Variants in CNBD1 observed in about 807,000 individuals in gnomAD.
CNBD1 encodes the protein cyclic nucleotide-binding domain-containing protein 1.
CNBD1 carries 71 observed loss-of-function variants against 54.4 expected under a neutral mutation model. The ratio of observed to expected loss-of-function variants is 1.30; its 90% CI spans 1.08 to 1.59. The LOEUF is 1.59. Among genes scored for constraint, CNBD1 ranks in the 40% most tolerant of loss-of-function variants. The pLI, the probability that CNBD1 is intolerant of heterozygous loss-of-function variation, is 0.00. For missense variants in CNBD1, 659 were observed against 518.0 expected (o/e 1.27, Z -2.64); for synonymous variants, 182 against 170.7 (o/e 1.07, Z -0.51).
chr8:87,295,984 A>G (rs1808868612), intron 8 of CNBD1, among the ~76,000 whole-genome samples: 1 of 152,158 alleles, frequency 6.6e-6, no homozygotes. Context: ...TTTCGCTATG[A>G]ATATTATTTA....
At chr8:87,346,391 G>A (rs1467052401) in intron 8 of CNBD1, among the ~76,000 whole-genome samples, 2 of 151,658 alleles carry the variant, frequency 1.3e-5, no homozygotes, top group South Asian at 2.1e-4. Flanking sequence ...TTTGATATGT[G>A]TTTAATATTA....
intron 5 of CNBD1, among the ~76,000 whole-genome samples, chr8:87,226,786 G>C (rs559722422): frequency 6.6e-6 from 1 of 151,292 alleles, no homozygotes; most frequent in South Asian, 2.1e-4. Flanking sequence ...TTCAATTCCT[G>C]GGTATCCTTG....
chr8:87,269,251 G>T (rs1232688140), intron 6 of CNBD1, among the ~76,000 whole-genome samples: 2 of 151,882 alleles, frequency 1.3e-5, no homozygotes, highest in South Asian at 4.1e-4. Context: ...CTTTATTTCT[G>T]CATTTTCTAT....
chr8:87,095,530 T>C (rs958550685), intron 4 of CNBD1, among the ~76,000 whole-genome samples: 6 of 152,266 alleles, frequency 3.9e-5, no homozygotes, highest in Non-Finnish European at 8.8e-5. Context: ...TCATATTTAC[T>C]AGAGTATGTG....
chr8:87,143,080 A>C (rs1306491649), intron 4 of CNBD1, among the ~76,000 whole-genome samples: 1 of 152,148 alleles, frequency 6.6e-6, no homozygotes, highest in African/African-American at 2.4e-5. Context: ...TGTTTATTAT[A>C]GTTAATAGCT....
chr8:87,182,532 T>C lies in CNBD1; in HGVS notation c.432-23461T>C, dbSNP rs560354408. Reference sequence around the variant, plus strand: ...CCAACAGGGTGCAAGAATTCCCTTTTCTCCACAACCTTTCCAGCATTTGTT... The same window carrying C: ...CCAACAGGGTGCAAGAATTCCCTTTCCTCCACAACCTTTCCAGCATTTGTT... On this transcript the variant is annotated intron_variant, in intron 4 of 10. Coordinates refer to ENST00000518476, the MANE Select transcript of CNBD1 (RefSeq NM_173538.3). The surrounding 1 kb of genome is among the most constrained non-coding windows in gnomAD (Gnocchi z 4.1). Among the ~76,000 whole-genome samples the C allele has an allele frequency of 1.3e-4, 20 of 152,302 alleles. No homozygotes were observed. Among genetic ancestry groups the C allele is most frequent in the African/African-American group, 4.6e-4 (19 of 41,570 alleles).
At chr8:87,268,326 A>G (rs993021732) in intron 6 of CNBD1, among the ~76,000 whole-genome samples, 2 of 152,072 alleles carry the variant, frequency 1.3e-5, no homozygotes, top group Non-Finnish European at 2.9e-5. Context: ...GTGTATATGT[A>G]CCACATTTTC....
chr8:87,295,051 C>T (rs903835518), intron 8 of CNBD1, among the ~76,000 whole-genome samples: 9 of 151,514 alleles, frequency 5.9e-5, no homozygotes, highest in African/African-American at 2.2e-4. Context: ...TACCTTTTTG[C>T]TAGAGTAATA....
At chr8:87,399,807 G>C (rs1208253312) in intron 2 of CNBD1, among the ~76,000 whole-genome samples, 1 of 151,890 alleles carries the variant, frequency 6.6e-6, no homozygotes, top group African/African-American at 2.4e-5. Flanking sequence ...AACTCAACTG[G>C]TGAAAAAGTA....
chr8:87,375,517 C>G (rs532500661), intron 10 of CNBD1, among the ~76,000 whole-genome samples: 2 of 151,390 alleles, frequency 1.3e-5, no homozygotes, highest in African/African-American at 2.4e-5. Context: ...CCATCTTTTC[C>G]GAAGCCATAG....
intron 6 of CNBD1, among the ~76,000 whole-genome samples, chr8:87,262,789 G>C (rs1338355829): frequency 6.6e-6 from 1 of 152,260 alleles, no homozygotes; most frequent in East Asian, 1.9e-4. Context: ...TATCTGTTCT[G>C]TTAAGTGATT....
At chr8:87,059,815 T>G (rs529433306) in intron 4 of CNBD1, among the ~76,000 whole-genome samples, 2 of 152,322 alleles carry the variant, frequency 1.3e-5, no homozygotes, top group South Asian at 4.1e-4. Context: ...AGTGCACTGT[T>G]GGTGACCTCT....
intron 2 of CNBD1, among the ~76,000 whole-genome samples, chr8:86,896,549 T>C (rs1025978704): frequency 1.3e-5 from 2 of 152,136 alleles, no homozygotes; most frequent in African/African-American, 4.8e-5. Context: ...CTAAATTGGG[T>C]TTTTTTGATA....
intron 2 of CNBD1, among the ~76,000 whole-genome samples, chr8:87,417,837 A>G (rs1049440945): frequency 1.3e-5 from 2 of 151,938 alleles, no homozygotes; most frequent in Non-Finnish European, 2.9e-5. Context: ...ATATACTTAG[A>G]AATATATTAA....
chr8:86,940,373 GC>G lies in CNBD1; in HGVS notation c.431+621del, dbSNP rs1809633038. On this transcript the variant is annotated intron_variant, in intron 4 of 10. Transcript: ENST00000518476. ...GTAGGGACAGGGTTTCACCATGTTG[GC>G]CAGGGTGGTCTCGAACTCCTGACCT... Among the ~76,000 whole-genome samples the G allele has an allele frequency of 2.0e-5, 3 of 152,030 alleles. 1 individual carries two copies. The South Asian group carries it at 6.2e-4, about 32-fold the overall frequency.
chr8:87,312,612 G>A (rs1018661885), intron 8 of CNBD1, among the ~76,000 whole-genome samples: 1 of 151,702 alleles, frequency 6.6e-6, no homozygotes, highest in Non-Finnish European at 1.5e-5. Flanking sequence ...TAACTTTTTT[G>A]CACTTCCATA....
chr8:87,272,992 G>A (rs553004204), intron 6 of CNBD1, among the ~76,000 whole-genome samples: 15 of 151,958 alleles, frequency 9.9e-5, no homozygotes, highest in African/African-American at 3.6e-4. Flanking sequence ...TCCAAGTATG[G>A]AGGGGCAATT....
intron 3 of CNBD1, among the ~76,000 whole-genome samples, chr8:86,931,183 GA>G (rs1351787955): frequency 2.0e-5 from 3 of 152,192 alleles, no homozygotes; most frequent in Non-Finnish European, 4.4e-5. Flanking sequence ...GGATTCCTCA[GA>G]TGGTAATGGA....
At chr8:87,132,804 T>C (rs1812147283) in intron 4 of CNBD1, among the ~76,000 whole-genome samples, 1 of 146,410 alleles carries the variant, frequency 6.8e-6, no homozygotes, top group Admixed American at 6.8e-5. Flanking sequence ...TGTGTATATA[T>C]ATACATATAT....
Sources: gnomAD v4.1 joint callset for allele counts (sites outside exome capture counted in the v4.1 genomes callset) on GRCh38, gnomAD v4.1.1 for gene constraint, Gnocchi (gnomAD v3.1) non-coding constraint, MANE v1.5 for transcripts, NCBI Gene and HGNC (gene_info 2026-07-23, HGNC 2026-07-21) for gene names.